Variants in ERC1 observed in about 807,000 individuals in gnomAD.
ERC1 encodes ELKS/RAB6-interacting/CAST family member 1.
In ERC1, 56 loss-of-function variants were observed where a neutral mutation model predicts 132.0. That is an observed-to-expected ratio of 0.42 (90% CI 0.34 to 0.53). The LOEUF (loss-of-function observed/expected upper bound fraction) is 0.53. Ranked by LOEUF, ERC1 falls within the 20% of genes least tolerant of loss-of-function variation. ERC1 has a pLI of 0.03. For missense variants in ERC1, 1,202 were observed against 1,349.9 expected (o/e 0.89, Z 1.72); for synonymous variants, 478 against 476.1 (o/e 1.00, Z -0.05).
At chr12:1,034,070 G>T (rs1565826734) in intron 2 of ERC1, among the ~76,000 whole-genome samples, 1 of 152,112 alleles carries the variant, frequency 6.6e-6, no homozygotes, top group East Asian at 1.9e-4. Flanking sequence ...GTTGTATTGG[G>T]TTCTTTTTCT....
In ERC1 at chr12:1,236,780, A is replaced by G. The variant is rs1182197404; in HGVS notation, c.2363A>G (p.Asp788Gly). The G allele has an allele frequency of 6.2e-7, 1 of 1,613,484 alleles. No individual in the cohort carries two copies. Among genetic ancestry groups the G allele is most frequent in the African/African-American group, 1.3e-5 (1 of 74,904 alleles). Residue 788 changes from aspartate (D) to glycine (G), a missense_variant, in exon 13 of 19, where the codon GAC becomes GGC. Transcript: ENST00000360905. ...CCTTCTGTCATTAGGCAAGTGAAAGACCAGAATAAGAAGGTAGCAAATCTG... is the reference window on the plus strand; with the variant it reads ...CCTTCTGTCATTAGGCAAGTGAAAGGCCAGAATAAGAAGGTAGCAAATCTG... ...KIAELERQVK[D>G]QNKKVANLKH...
At chr12:1,344,139 C>G (rs2084200969) in intron 15 of ERC1, among the ~76,000 whole-genome samples, 1 of 152,210 alleles carries the variant, frequency 6.6e-6, no homozygotes, top group Admixed American at 6.5e-5. Flanking sequence ...CCGCGCCCAG[C>G]CTGTAAAAAC....
intron 15 of ERC1, among the ~76,000 whole-genome samples, chr12:1,359,479 G>A (rs1248191683): frequency 2.0e-5 from 3 of 152,090 alleles, no homozygotes; most frequent in East Asian, 1.9e-4. Flanking sequence ...GCAAGGAACC[G>A]ACACCTGGCA....
chr12:1,192,646 A>G (rs1434271189), intron 12 of ERC1, among the ~76,000 whole-genome samples: 1 of 152,096 alleles, frequency 6.6e-6, no homozygotes, highest in Non-Finnish European at 1.5e-5. Context: ...CCTTCATGCC[A>G]GGTTTCTGTC....
At chr12:1,147,303 G>A (rs1950468769) in intron 8 of ERC1, among the ~76,000 whole-genome samples, 1 of 152,140 alleles carries the variant, frequency 6.6e-6, no homozygotes, top group Non-Finnish European at 1.5e-5. Flanking sequence ...TGCCAATTTT[G>A]CTGAGGGTTT....
intron 18 of ERC1, among the ~76,000 whole-genome samples, chr12:1,477,748 C>T (rs1042106346): frequency 4.6e-5 from 7 of 152,170 alleles, no homozygotes; most frequent in Non-Finnish European, 1.5e-5. Flanking sequence ...GCCGAAGCCC[C>T]TTGTCATCCT....
chr12:1,196,848 GTCTCTCTCTCACTC>G (rs1566213125), intron 12 of ERC1, among the ~76,000 whole-genome samples: 1 of 56,326 alleles, frequency 1.8e-5, no homozygotes, highest in Non-Finnish European at 4.3e-5. Context: ...CTCTCTGTCT[GTCTCTCTCTCACTC>G]TCTCTCTCTC....
rs181121532 is a variant in ERC1, at chr12:1,058,580, T to C, written c.670-24584T>C. Among the ~76,000 whole-genome samples the C allele has an allele frequency of 2.4e-4, 37 of 152,328 alleles. 1 individual carries two copies. In the East Asian group the frequency reaches 7.1e-3, roughly 29 times the overall value. On this transcript the variant is annotated intron_variant, in intron 2 of 18. Transcript: ENST00000360905. ...GTCTGTTTTTATACCAGCACCATGC[T>C]GTTTTGGTTACTATAGCTTTGTAGT...
intron 8 of ERC1, among the ~76,000 whole-genome samples, chr12:1,175,308 T>C (rs1029052534): frequency 2.0e-5 from 3 of 152,192 alleles, no homozygotes; most frequent in African/African-American, 4.8e-5. Context: ...CAGTGCTATT[T>C]GATAGCATTT....
intron 2 of ERC1, among the ~76,000 whole-genome samples, chr12:1,056,439 T>C (rs186922668): frequency 1.5e-4 from 23 of 152,112 alleles, no homozygotes; most frequent in African/African-American, 5.5e-4. Flanking sequence ...CAGAGATGGG[T>C]CCTGGAGAGG....
intron 1 of ERC1, chr12:1,020,682 T>A (rs1966223746): frequency 6.6e-6 from 1 of 152,124 alleles, no homozygotes; most frequent in Non-Finnish European, 1.5e-5. Context: ...CAGGGTAGTT[T>A]GAAGTTTGAG....
intron 13 of ERC1, among the ~76,000 whole-genome samples, chr12:1,251,973 C>CT (rs1000124756): frequency 6.6e-6 from 1 of 151,736 alleles, no homozygotes; most frequent in African/African-American, 2.4e-5. Context: ...CAATGAGATT[C>CT]TTTTTTTTCT....
intron 17 of ERC1, among the ~76,000 whole-genome samples, chr12:1,414,870 GTATT>G (rs2154397004): frequency 6.6e-6 from 1 of 152,182 alleles, no homozygotes; most frequent in African/African-American, 2.4e-5. Flanking sequence ...GTGTGTGTGT[GTATT>G]TATTTAACTA....
intron 15 of ERC1, among the ~76,000 whole-genome samples, chr12:1,326,535 C>G (rs2082456662): frequency 6.6e-6 from 1 of 152,148 alleles, no homozygotes; most frequent in Non-Finnish European, 1.5e-5. Context: ...CATTCTTTAT[C>G]AAAGCCAGAA....
At chr12:1,077,316 A>C (rs1328163756) in intron 2 of ERC1, among the ~76,000 whole-genome samples, 10 of 152,312 alleles carry the variant, frequency 6.6e-5, no homozygotes, top group Middle Eastern at 3.4e-3. Context: ...TGTTCTAAGA[A>C]ACTAATGACA....
intron 3 of ERC1, among the ~76,000 whole-genome samples, chr12:1,093,203 C>A (rs867082755): frequency 4.6e-5 from 7 of 152,136 alleles, no homozygotes; most frequent in African/African-American, 1.2e-4. Flanking sequence ...AATTCTCCCC[C>A]CCAAAAGCCG....
intron 2 of ERC1, among the ~76,000 whole-genome samples, chr12:1,039,229 C>G (rs1421094291): frequency 1.3e-5 from 2 of 151,074 alleles, no homozygotes; most frequent in Admixed American, 6.6e-5. Context: ...CCCAGCTACT[C>G]GGGAGGCTGA....
chr12:1,385,636 C>T, intron 16 of ERC1, among the ~76,000 whole-genome samples: 1 of 152,152 alleles, frequency 6.6e-6, no homozygotes. Context: ...AGAAGGAAAC[C>T]TGTTTTTAAG....
At chr12:1,013,286 A>G (rs1964991409) in intron 1 of ERC1, among the ~76,000 whole-genome samples, 3 of 152,158 alleles carry the variant, frequency 2.0e-5, no homozygotes, top group Admixed American at 2.0e-4. Flanking sequence ...AACAACTATG[A>G]TTAACAACCT....
Sources: allele counts gnomAD v4.1 joint callset (sites outside exome capture counted in the v4.1 genomes callset), GRCh38; gene constraint gnomAD v4.1.1; transcripts MANE v1.5; gene names NCBI Gene and HGNC (gene_info 2026-07-23, HGNC 2026-07-21).